The following STOX2 variants were observed in gnomAD, a reference collection of about 807,000 sequenced individuals.
STOX2 encodes the protein storkhead-box protein 2.
STOX2 carries 28 observed loss-of-function variants against 60.9 expected under a neutral mutation model. That is an observed-to-expected ratio of 0.46 (90% CI 0.34 to 0.63). STOX2 has a LOEUF of 0.63. Ranked by LOEUF, STOX2 falls within the 30% of genes least tolerant of loss-of-function variation. The pLI, the probability that STOX2 is intolerant of heterozygous loss-of-function variation, is 0.01. For synonymous variants in STOX2, 472 were observed against 463.9 expected (o/e 1.02, Z -0.22); for missense variants, 1,024 against 1,187.7 (o/e 0.86, Z 2.03).
In STOX2 at chr4:183,856,119, C is replaced by T. The variant is rs753192096; in HGVS notation, c.364+58064C>T. Among the ~76,000 whole-genome samples, 3 of 152,116 alleles carry T rather than the reference C, an allele frequency of 2.0e-5. No homozygotes were observed. The highest frequency in any genetic ancestry group is 3.8e-4 in the East Asian group (2 of 5,198). ...GGACCTCTCAGAAACATCCTAAGTGCGCACCCTGGGGTCTCGAATAGGCTG... is the reference window on the plus strand; with the variant it reads ...GGACCTCTCAGAAACATCCTAAGTGTGCACCCTGGGGTCTCGAATAGGCTG... On this transcript the variant is annotated intron_variant, in intron 1 of 2. Coordinates refer to the STOX2 transcript ENST00000513034. This position sits in a 1 kb window ranked among gnomAD's most constrained non-coding sequence, Gnocchi z 4.0.
Position 183,993,004 on chromosome 4 carries a change from T to A in STOX2, c.167-8321T>A, listed in dbSNP as rs903675286. On this transcript the variant is annotated intron_variant, in intron 1 of 3. Coordinates refer to ENST00000308497, the MANE Select transcript of STOX2 (RefSeq NM_020225.3). The stretch of plus-strand genomic sequence containing the variant: ...TCCATCCTACCTTTTCTGCTATGCA[T>A]CTATTGCAAATAGCTAAATGGTCCA... Among the ~76,000 whole-genome samples the A allele has an allele frequency of 2.6e-5, 4 of 152,220 alleles. No individual in the cohort carries two copies. The East Asian group carries it at 7.7e-4, about 29-fold the overall frequency.
At chr4:183,846,570 T>A (rs1483643426) in intron 1 of STOX2, among the ~76,000 whole-genome samples, 1 of 152,200 alleles carries the variant, frequency 6.6e-6, no homozygotes, top group Non-Finnish European at 1.5e-5. Flanking sequence ...TTGCTTATGG[T>A]ACTTTTCAAC....
At chr4:183,851,929 G>C (rs1426367968) in intron 1 of STOX2, among the ~76,000 whole-genome samples, 1 of 59,556 alleles carries the variant, frequency 1.7e-5, no homozygotes, top group Non-Finnish European at 3.3e-5. Flanking sequence ...ATGAGAGAAA[G>C]GATGAGGGAA....
At position 183,798,239 on chromosome 4, in the gene STOX2, C is replaced by T. The variant is rs545989720; in HGVS notation, c.364+184C>T. ...TGCGAGCGTGGGATTGGGGAACTTC[C>T]TGGCACCGAAAGGAGGGAGCCGTCC... On this transcript the variant is annotated intron_variant, in intron 1 of 2. Transcript: ENST00000513034. Among the ~76,000 whole-genome samples the T allele has an allele frequency of 2.2e-4, 33 of 151,534 alleles. 1 individual carries two copies. The highest frequency in any genetic ancestry group is 8.0e-4 in the African/African-American group (33 of 41,486).
At chr4:183,897,717 C>T (rs373153704) in intron 1 of STOX2, among the ~76,000 whole-genome samples, 91 of 152,260 alleles carry the variant, frequency 6.0e-4, no homozygotes, top group African/African-American at 2.0e-3. Context: ...ACAGCATATG[C>T]AGAATAAAAA....
chr4:183,922,433 A>G (rs79829685), intron 1 of STOX2, among the ~76,000 whole-genome samples: 2 of 148,726 alleles, frequency 1.3e-5, no homozygotes, highest in African/African-American at 5.0e-5. Flanking sequence ...TGCAACCTCC[A>G]CCTCCCGGGT....
chr4:183,983,114 C>G (rs888640719), intron 1 of STOX2, among the ~76,000 whole-genome samples: 7 of 152,126 alleles, frequency 4.6e-5, no homozygotes, highest in African/African-American at 1.7e-4. Context: ...ACTGTCTAAC[C>G]ACATCGTCTC....
chr4:183,812,670 C>A (rs895952246), intron 1 of STOX2, among the ~76,000 whole-genome samples: 3 of 152,016 alleles, frequency 2.0e-5, no homozygotes, highest in African/African-American at 7.3e-5. Context: ...GTCTAAGGAT[C>A]GAGAGTGTGA....
At chr4:183,907,648 A>T (rs1033600326) in intron 1 of STOX2, among the ~76,000 whole-genome samples, 2 of 152,266 alleles carry the variant, frequency 1.3e-5, no homozygotes, top group African/African-American at 2.4e-5. Flanking sequence ...GAAGGCTTCA[A>T]AAAAGATTTC....
intron 1 of STOX2, among the ~76,000 whole-genome samples, chr4:183,928,348 A>G (rs1742306997): frequency 6.6e-6 from 1 of 152,196 alleles, no homozygotes; most frequent in Admixed American, 6.5e-5. Flanking sequence ...TGGATTTAAA[A>G]CAAAATGAAA....
chr4:183,825,866 G>C lies in STOX2; in HGVS notation c.364+27811G>C, dbSNP rs1385654394. On this transcript the variant is annotated intron_variant, in intron 1 of 2. Transcript: ENST00000513034. This position sits in a 1 kb window ranked among gnomAD's most constrained non-coding sequence, Gnocchi z 4.1. The stretch of plus-strand genomic sequence containing the variant: ...GTTTGGGGAAGTTTAGTCTGGGAAC[G>C]AGTATGGCAGTCAGTTTGGCAAATG... Among the ~76,000 whole-genome samples the C allele has an allele frequency of 2.6e-5, 4 of 152,174 alleles. No homozygotes were observed. Among genetic ancestry groups the C allele is most frequent in the East Asian group, 3.8e-4 (2 of 5,196 alleles).
chr4:183,879,674 C>T (rs1740910602), intron 1 of STOX2, among the ~76,000 whole-genome samples: 1 of 152,070 alleles, frequency 6.6e-6, no homozygotes, highest in Non-Finnish European at 1.5e-5. Flanking sequence ...AAATCTGGAG[C>T]CCAGATTTAG....
intron 1 of STOX2, among the ~76,000 whole-genome samples, chr4:183,877,670 G>A (rs1166076708): frequency 2.0e-5 from 3 of 151,522 alleles, no homozygotes; most frequent in Non-Finnish European, 4.4e-5. Context: ...CCGCACTTCC[G>A]CTGCTGCTGC....
intron 1 of STOX2, among the ~76,000 whole-genome samples, chr4:183,972,894 A>C (rs1743784364): frequency 6.6e-6 from 1 of 152,208 alleles, no homozygotes; most frequent in Non-Finnish European, 1.5e-5. Flanking sequence ...GTGGGAATAG[A>C]TTATGTAATG....
At chr4:183,924,454 G>A (rs1330879337) in intron 1 of STOX2, among the ~76,000 whole-genome samples, 1 of 152,130 alleles carries the variant, frequency 6.6e-6, no homozygotes, top group Non-Finnish European at 1.5e-5. Flanking sequence ...GGACAAGAGA[G>A]GCTGGAGACA....
intron 1 of STOX2, among the ~76,000 whole-genome samples, chr4:183,929,281 C>T (rs1742341577): frequency 6.6e-6 from 1 of 152,142 alleles, no homozygotes; most frequent in Non-Finnish European, 1.5e-5. Context: ...ACACAGCTAT[C>T]ATTAAATCAG....
Position 183,868,086 on chromosome 4 carries a change from T to C in STOX2, c.364+70031T>C, listed in dbSNP as rs74791849. On this transcript the variant is annotated intron_variant, in intron 1 of 2. Coordinates refer to the STOX2 transcript ENST00000513034. The stretch of plus-strand genomic sequence containing the variant: ...GACCACTTGCTCAGCAAGTCTGTAA[T>C]TGTCCTGAAAGCCTTTCTGAAGCCA... Among the ~76,000 whole-genome samples, 89 of 152,110 alleles carry C rather than the reference T, an allele frequency of 5.9e-4. 2 individuals carry two copies. The East Asian group carries it at 0.011, about 18-fold the overall frequency.
chr4:183,824,600 C>T (rs1739379569), intron 1 of STOX2, among the ~76,000 whole-genome samples: 1 of 152,124 alleles, frequency 6.6e-6, no homozygotes, highest in South Asian at 2.1e-4. Flanking sequence ...AGAAAAGTTT[C>T]TTAATTTGCT....
chr4:183,829,975 C>G (rs750998035), intron 1 of STOX2, among the ~76,000 whole-genome samples: 1 of 152,192 alleles, frequency 6.6e-6, no homozygotes, highest in Non-Finnish European at 1.5e-5. Flanking sequence ...ACTGGGCCTG[C>G]TCCCTCTTCT....
Sources: gnomAD v4.1 joint callset for allele counts (sites outside exome capture counted in the v4.1 genomes callset) on GRCh38, gnomAD v4.1.1 for gene constraint, Gnocchi (gnomAD v3.1) non-coding constraint, MANE v1.5 for transcripts, NCBI Gene and HGNC (gene_info 2026-07-23, HGNC 2026-07-21) for gene names.